The following CDH12 variants were observed in gnomAD, a reference collection of about 807,000 sequenced individuals.
CDH12 encodes the protein cadherin 12.
A neutral mutation model predicts 74.1 loss-of-function variants in CDH12; 41 were observed. The ratio of observed to expected loss-of-function variants is 0.55; its 90% CI spans 0.43 to 0.72. The LOEUF (loss-of-function observed/expected upper bound fraction) is 0.72. Ranked by LOEUF, CDH12 falls within the 30% of genes least tolerant of loss-of-function variation. The pLI, the probability that CDH12 is intolerant of heterozygous loss-of-function variation, is 0.00. For synonymous variants in CDH12, 399 were observed against 355.0 expected (o/e 1.12, Z -1.39); for missense variants, 945 against 977.2 (o/e 0.97, Z 0.44).
chr5:22,526,712 T>C (rs1290038846), intron 1 of CDH12, among the ~76,000 whole-genome samples: 1 of 152,182 alleles, frequency 6.6e-6, no homozygotes, highest in Non-Finnish European at 1.5e-5. Context: ...ATCACTCCTC[T>C]ACATCTGTAA....
At chr5:21,818,008 CAA>C (rs1748157542) in intron 8 of CDH12, among the ~76,000 whole-genome samples, 1 of 151,852 alleles carries the variant, frequency 6.6e-6, no homozygotes, top group Admixed American at 6.6e-5. Flanking sequence ...GTTTGACACA[CAA>C]GAAAGATATA....
chr5:21,936,854 C>T (rs1755095571), intron 6 of CDH12, among the ~76,000 whole-genome samples: 1 of 152,156 alleles, frequency 6.6e-6, no homozygotes, highest in South Asian at 2.1e-4. Context: ...TGCATGCTCT[C>T]TCTCTTACCT....
intron 1 of CDH12, among the ~76,000 whole-genome samples, chr5:22,747,047 C>G (rs1178065254): frequency 6.6e-6 from 1 of 152,132 alleles, no homozygotes; most frequent in Non-Finnish European, 1.5e-5. Flanking sequence ...CATCTACTTT[C>G]ATTTTGATGT....
intron 6 of CDH12, among the ~76,000 whole-genome samples, chr5:21,941,729 A>G (rs1166232460): frequency 1.3e-5 from 2 of 152,328 alleles, no homozygotes; most frequent in African/African-American, 4.8e-5. Context: ...AGGGAGTTAT[A>G]TAGGAAGACT....
At chr5:22,235,144 T>C (rs1388287594) in intron 3 of CDH12, among the ~76,000 whole-genome samples, 1 of 152,204 alleles carries the variant, frequency 6.6e-6, no homozygotes, top group African/African-American at 2.4e-5. Context: ...ACTTGTCTCC[T>C]GACACTTGAA....
intron 2 of CDH12, among the ~76,000 whole-genome samples, chr5:22,414,275 A>G (rs1743291246): frequency 6.6e-6 from 1 of 151,998 alleles, no homozygotes; most frequent in Non-Finnish European, 1.5e-5. Context: ...TGGTTATCAG[A>G]AAGATGCAAA....
At chr5:22,160,768 A>G (rs1361427870) in intron 4 of CDH12, among the ~76,000 whole-genome samples, 1 of 152,068 alleles carries the variant, frequency 6.6e-6, no homozygotes, top group African/African-American at 2.4e-5. Flanking sequence ...CCTATATTAT[A>G]AGGGCACTAA....
At chr5:21,884,164 T>C (rs867599370) in intron 6 of CDH12, 2 of 1,581,542 alleles carry the variant, frequency 1.3e-6, no homozygotes, top group Middle Eastern at 3.3e-4. Flanking sequence ...ACAAAGCTTG[T>C]GAGAACTGCT....
Position 22,654,635 on chromosome 5 carries a change from TTTG to T in CDH12, c.-522-149274_-522-149272del, listed in dbSNP as rs1554056635. Among the ~76,000 whole-genome samples, 112 of 150,756 alleles carry T rather than the reference TTTG, an allele frequency of 7.4e-4. 1 individual carries two copies. The South Asian group carries it at 0.012, about 16-fold the overall frequency. ...TTTTTGTTTGTTTGCTTGTTTTTTT[TTTG>T]TTGTTGTTGTTGTTTTGAGACAGTT... On this transcript the variant is annotated intron_variant, in intron 1 of 14. Coordinates refer to ENST00000382254, the MANE Select transcript of CDH12 (RefSeq NM_004061.5).
chr5:22,048,506 T>C (rs1273688968), intron 5 of CDH12, among the ~76,000 whole-genome samples: 3 of 152,196 alleles, frequency 2.0e-5, no homozygotes, highest in African/African-American at 7.2e-5. Context: ...ATGCTAAATA[T>C]CTTTTTAGTT....
chr5:22,657,450 A>G (rs1055289560), intron 1 of CDH12, among the ~76,000 whole-genome samples: 11 of 152,182 alleles, frequency 7.2e-5, no homozygotes, highest in African/African-American at 2.4e-4. Context: ...AACAAAAAAC[A>G]AAGCTCTTCT....
intron 6 of CDH12, among the ~76,000 whole-genome samples, chr5:21,880,602 T>TC (rs1464802884): frequency 1.3e-5 from 1 of 76,122 alleles, no homozygotes; most frequent in Non-Finnish European, 2.7e-5. Flanking sequence ...CTTCCTTCCT[T>TC]CCTTCCTTCC....
At chr5:22,569,848 G>A (rs374110470) in intron 1 of CDH12, among the ~76,000 whole-genome samples, 1 of 151,994 alleles carries the variant, frequency 6.6e-6, no homozygotes, top group East Asian at 1.9e-4. Flanking sequence ...ATCGAGAAGG[G>A]TTGGAATCAA....
chr5:22,435,411 CAT>C (rs1400744860), intron 2 of CDH12, among the ~76,000 whole-genome samples: 6 of 151,258 alleles, frequency 4.0e-5, no homozygotes, highest in Non-Finnish European at 7.4e-5. Flanking sequence ...TATACACACA[CAT>C]ATATATGTGT....
chr5:22,238,422 G>C (rs1209501013), intron 3 of CDH12, among the ~76,000 whole-genome samples: 1 of 152,080 alleles, frequency 6.6e-6, no homozygotes, highest in Admixed American at 6.5e-5. Flanking sequence ...CAATCTTGTA[G>C]TTTTACCTAC....
intron 1 of CDH12, among the ~76,000 whole-genome samples, chr5:22,582,759 G>T (rs1740169120): frequency 6.6e-6 from 1 of 152,062 alleles, no homozygotes; most frequent in Non-Finnish European, 1.5e-5. Context: ...ACTGAATCCT[G>T]AGTCAAAAAA....
intron 8 of CDH12, among the ~76,000 whole-genome samples, chr5:21,834,050 A>T (rs927550869): frequency 6.6e-6 from 1 of 152,012 alleles, no homozygotes; most frequent in African/African-American, 2.4e-5. Flanking sequence ...AAACAGGGAC[A>T]GTGTCATCAA....
intron 2 of CDH12, among the ~76,000 whole-genome samples, chr5:22,435,164 C>T (rs1015601918): frequency 2.6e-5 from 4 of 152,088 alleles, no homozygotes; most frequent in African/African-American, 9.7e-5. Context: ...ATCTAATCAG[C>T]TGCCAGTGTG....
chr5:21,975,120 A>T lies in CDH12; in HGVS notation c.497T>A (p.Val166Asp). ...NEPKFLDGPY[V>D]ATVPEMSPVG... Reference sequence around the variant, plus strand: ...AGGAGACATTTCTGGAACAGTAGCAACATAAGGTCCATCCAAAAACTTTGG... The same window carrying T: ...AGGAGACATTTCTGGAACAGTAGCATCATAAGGTCCATCCAAAAACTTTGG... Residue 166 changes from valine to aspartate, a missense_variant, in exon 6 of 15, where the codon GTT (valine) becomes GAT (aspartate). Physicochemically the swap from Val to Asp is radical, Grantham distance 152 (BLOSUM62 -3). Around this residue, in one of 3 missense-constraint regions of CDH12, gnomAD observed 791 missense variants for 792.8 expected, o/e 1.00. Transcript: ENST00000382254. 1 of 1,597,032 alleles carries T rather than the reference A, an allele frequency of 6.3e-7. No individual in the cohort carries two copies. Among genetic ancestry groups the T allele is most frequent in the Non-Finnish European group, 8.5e-7 (1 of 1,179,466 alleles).
Sources: gnomAD v4.1 joint callset for allele counts (sites outside exome capture counted in the v4.1 genomes callset) on GRCh38, gnomAD v4.1.1 for gene constraint, gnomAD v4.1.1 regional missense constraint, MANE v1.5 for transcripts, NCBI Gene and HGNC (gene_info 2026-07-23, HGNC 2026-07-21) for gene names.